The following DEPTOR variants were observed in gnomAD, a reference collection of about 807,000 sequenced individuals.
The protein encoded by DEPTOR is DEP domain-containing mTOR-interacting protein.
In DEPTOR, 41 loss-of-function variants were observed where a neutral mutation model predicts 41.6. The observed-to-expected ratio is 0.98, with a 90% CI of 0.77 to 1.28. DEPTOR has a LOEUF of 1.28. Among genes scored for constraint, DEPTOR ranks in the 50% most tolerant of loss-of-function variants. The pLI is 0.00. For missense variants in DEPTOR, 514 were observed against 527.9 expected (o/e 0.97, Z 0.26); for synonymous variants, 195 against 192.3 (o/e 1.01, Z -0.12).
chr8:119,959,617 G>C (rs564130600), intron 3 of DEPTOR, among the ~76,000 whole-genome samples: 3 of 150,526 alleles, frequency 2.0e-5, no homozygotes, highest in African/African-American at 7.3e-5. Flanking sequence ...ACCTCTGCCT[G>C]CCAGGTTCAA....
chr8:119,874,305 C>A (rs13263296), intron 1 of DEPTOR: 1 of 331,066 alleles, frequency 3.0e-6, no homozygotes, highest in Non-Finnish European at 5.5e-6. Flanking sequence ...CGCCAGGCCT[C>A]CCGGCTGACA....
chr8:119,975,798 G>A (rs538294497), intron 4 of DEPTOR, among the ~76,000 whole-genome samples: 66 of 151,106 alleles, frequency 4.4e-4, no homozygotes, highest in Non-Finnish European at 7.4e-4. Flanking sequence ...TAACAGTGCC[G>A]ACCTAGCCTT....
At chr8:119,885,876 T>C (rs1261700712) in intron 1 of DEPTOR, among the ~76,000 whole-genome samples, 1 of 152,150 alleles carries the variant, frequency 6.6e-6, no homozygotes, top group Non-Finnish European at 1.5e-5. Flanking sequence ...TTTTGGAAAG[T>C]ATTTCAGAGT....
chr8:120,039,098 C>T (rs976824274), intron 8 of DEPTOR, among the ~76,000 whole-genome samples: 8 of 152,304 alleles, frequency 5.3e-5, no homozygotes, highest in Admixed American at 1.3e-4. Flanking sequence ...TATTAGAAGG[C>T]AGGGCCTTTG....
intron 1 of DEPTOR, among the ~76,000 whole-genome samples, chr8:119,897,681 C>G (rs1827538592): frequency 6.6e-6 from 1 of 152,164 alleles, no homozygotes; most frequent in Admixed American, 6.5e-5. Flanking sequence ...ATGACTATAA[C>G]TGAATTTTTT....
rs1435856268 is a variant in DEPTOR at position 119,921,761 on chromosome 8, TTTGTTTGTTTG to T, written c.123-6636_123-6626del. Among the ~76,000 whole-genome samples the T allele has an allele frequency of 3.6e-4, 49 of 137,484 alleles. 2 individuals carry two copies. Among genetic ancestry groups the T allele is most frequent in the Admixed American group, 1.0e-3 (15 of 14,420 alleles). The allele number at this position is 137,484 out of a possible 152,430, so 90.2% of individuals were successfully genotyped here. On this transcript the variant is annotated intron_variant, in intron 1 of 8. Coordinates refer to ENST00000286234, the MANE Select transcript of DEPTOR (RefSeq NM_022783.4). ...TTCTATTCTGTAGTTTTTTTTTTTG[TTTGTTTGTTTG>T]TTTTTTGAAACAGGGTCTTGCTCTG... is the stretch of plus-strand genomic sequence containing the variant.
At chr8:120,018,468 A>G (rs112776600) in intron 8 of DEPTOR, among the ~76,000 whole-genome samples, 7 of 152,256 alleles carry the variant, frequency 4.6e-5, no homozygotes, top group African/African-American at 1.7e-4. Context: ...AATCCCAGCT[A>G]CTAGGGAGGC....
chr8:119,904,273 C>G (rs1827632557), intron 1 of DEPTOR, among the ~76,000 whole-genome samples: 1 of 151,874 alleles, frequency 6.6e-6, no homozygotes. Context: ...TGCCTGCCAC[C>G]ACGCCCAGCT....
At chr8:119,961,893 G>A (rs780020130) in intron 3 of DEPTOR, among the ~76,000 whole-genome samples, 53 of 152,026 alleles carry the variant, frequency 3.5e-4, no homozygotes, top group Admixed American at 1.8e-3. Flanking sequence ...TAATTTTACA[G>A]AGGAAGATGA....
intron 4 of DEPTOR, among the ~76,000 whole-genome samples, chr8:119,994,120 G>A (rs192036367): frequency 6.7e-6 from 1 of 149,712 alleles, no homozygotes; most frequent in Non-Finnish European, 1.5e-5. Context: ...CTGGGCAACG[G>A]AGCAAAAACT....
intron 3 of DEPTOR, among the ~76,000 whole-genome samples, chr8:119,956,744 T>G (rs2129942885): frequency 6.7e-6 from 1 of 148,230 alleles, no homozygotes; most frequent in South Asian, 2.2e-4. Context: ...TTTTTTGTTT[T>G]TTTTTTTTTA....
intron 7 of DEPTOR, 117 bp from the exon 8 acceptor site, chr8:120,008,912 C>T (rs764548797): frequency 8.4e-5 from 74 of 885,282 alleles, no homozygotes; most frequent in Non-Finnish European, 1.2e-4. Context: ...AAGAGAGAAA[C>T]GGAGGAAAAT....
At chr8:119,958,805 G>A (rs1394238669) in intron 3 of DEPTOR, among the ~76,000 whole-genome samples, 8 of 151,812 alleles carry the variant, frequency 5.3e-5, no homozygotes, top group South Asian at 4.2e-4. Flanking sequence ...AAAAGAAGAA[G>A]AATAACCTCA....
At position 120,003,154 on chromosome 8, in the gene DEPTOR, C is replaced by T. The variant is rs761757489; in HGVS notation, c.925+43C>T. The stretch of plus-strand genomic sequence containing the variant: ...GGCCCCGCTCCTAAGACTGTGGGGA[C>T]TTGGGCAGGTCCCTGGGAAGCAGAA... On this transcript the variant is annotated intron_variant, in intron 6 of 8. Coordinates refer to ENST00000286234, the MANE Select transcript of DEPTOR (RefSeq NM_022783.4). The T allele has an allele frequency of 2.5e-6, 4 of 1,595,658 alleles. No individual in the cohort carries two copies. The South Asian group carries it at 4.4e-5, about 18-fold the overall frequency.
intron 8 of DEPTOR, among the ~76,000 whole-genome samples, chr8:120,043,189 C>T (rs1046200027): frequency 3.3e-5 from 5 of 151,516 alleles, no homozygotes; most frequent in African/African-American, 1.2e-4. Flanking sequence ...CACCCATCAC[C>T]CATGGTCTCA....
At chr8:119,875,010 G>A (rs1586592387) in intron 1 of DEPTOR, among the ~76,000 whole-genome samples, 1 of 152,046 alleles carries the variant, frequency 6.6e-6, no homozygotes, top group Admixed American at 6.6e-5. Flanking sequence ...AGAGTGTCTT[G>A]CAAAGGTCTC....
intron 1 of DEPTOR, among the ~76,000 whole-genome samples, chr8:119,882,964 A>G (rs1463282614): frequency 6.6e-6 from 1 of 152,176 alleles, no homozygotes; most frequent in African/African-American, 2.4e-5. Context: ...GATTGTTTCT[A>G]TGTATCATTA....
At chr8:119,925,656 G>A (rs530724028) in intron 1 of DEPTOR, among the ~76,000 whole-genome samples, 3 of 152,036 alleles carry the variant, frequency 2.0e-5, no homozygotes, top group Admixed American at 2.0e-4. Flanking sequence ...ACAGAGTTTT[G>A]CTCTGTTGCC....
intron 8 of DEPTOR, among the ~76,000 whole-genome samples, chr8:120,044,445 A>C (rs1813126505): frequency 6.6e-6 from 1 of 152,164 alleles, no homozygotes; most frequent in African/African-American, 2.4e-5. Flanking sequence ...AGCTTGATAA[A>C]GGACAGGAAC....
Sources: gnomAD v4.1 joint callset for allele counts (sites outside exome capture counted in the v4.1 genomes callset) on GRCh38, gnomAD v4.1.1 for gene constraint, MANE v1.5 for transcripts, NCBI Gene and HGNC (gene_info 2026-07-23, HGNC 2026-07-21) for gene names.